The following NLGN1 variants were observed in gnomAD, a reference collection of about 807,000 sequenced individuals.
NLGN1 encodes the protein neuroligin 1.
A neutral mutation model predicts 65.5 loss-of-function variants in NLGN1; 12 were observed. The ratio of observed to expected loss-of-function variants is 0.18; its 90% CI spans 0.12 to 0.30. The LOEUF (loss-of-function observed/expected upper bound fraction) is 0.30. NLGN1 is among the 10% of genes least tolerant of loss of function. The pLI, the probability that NLGN1 is intolerant of heterozygous loss-of-function variation, is 1.00. For synonymous variants in NLGN1, 350 were observed against 359.5 expected, an observed-to-expected ratio of 0.97 and a Z score of 0.30; for missense variants, 750 against 1,007.1, an observed-to-expected ratio of 0.74 and a Z score of 3.46.
At chr3:173,579,352 G>T (rs1421560853) in intron 2 of NLGN1, among the ~76,000 whole-genome samples, 1 of 152,172 alleles carries the variant, frequency 6.6e-6, no homozygotes, top group African/African-American at 2.4e-5. Context: ...GCATGGCGCC[G>T]GTATTCTCAG....
intron 4 of NLGN1, among the ~76,000 whole-genome samples, chr3:174,217,274 T>C (rs1737794763): frequency 6.6e-6 from 1 of 152,138 alleles, no homozygotes; most frequent in South Asian, 2.1e-4. Context: ...TTATTGCCCA[T>C]TCTAATCCAG....
intron 2 of NLGN1, among the ~76,000 whole-genome samples, chr3:173,546,807 A>T (rs1739929308): frequency 6.6e-6 from 1 of 152,174 alleles, no homozygotes; most frequent in South Asian, 2.1e-4. Context: ...GTGTCCACCA[A>T]TGTTCTATAT....
intron 1 of NLGN1, among the ~76,000 whole-genome samples, chr3:173,430,482 A>G (rs879482297): frequency 2.6e-5 from 4 of 152,140 alleles, no homozygotes; most frequent in African/African-American, 4.8e-5. Flanking sequence ...TATCTTTTGG[A>G]AAAATGTCAC....
At chr3:173,944,627 C>T (rs116987646) in intron 4 of NLGN1, among the ~76,000 whole-genome samples, 2 of 152,284 alleles carry the variant, frequency 1.3e-5, no homozygotes, top group East Asian at 3.9e-4. Flanking sequence ...AATCAAGTCT[C>T]TTAATAACTT....
chr3:173,974,196 G>A (rs1323678358), intron 4 of NLGN1, among the ~76,000 whole-genome samples: 6 of 149,892 alleles, frequency 4.0e-5, no homozygotes, highest in Non-Finnish European at 7.4e-5. Context: ...TAAAGTTTTA[G>A]AAGGGTATTT....
chr3:173,564,089 C>T (rs1743238199), intron 2 of NLGN1, among the ~76,000 whole-genome samples: 1 of 152,230 alleles, frequency 6.6e-6, no homozygotes, highest in Non-Finnish European at 1.5e-5. Flanking sequence ...TCTAGCCACA[C>T]TGGTTTCTTT....
intron 4 of NLGN1, among the ~76,000 whole-genome samples, chr3:173,861,515 CGTGTGTGTGTGTGTGTGTGTGTGTGTGT>C (rs145812733): frequency 7.1e-6 from 1 of 141,422 alleles, no homozygotes; most frequent in East Asian, 2.2e-4. Context: ...GTAGCTGGCA[CGTGTGTGTGTGTGTGTGTGTGTGTGTGT>C]GTGTGTGTGT....
intron 4 of NLGN1, among the ~76,000 whole-genome samples, chr3:174,091,553 C>T (rs1030786392): frequency 2.6e-5 from 4 of 152,148 alleles, no homozygotes; most frequent in Admixed American, 1.3e-4. Flanking sequence ...AACAAATTAA[C>T]GAAGAGGTCA....
intron 4 of NLGN1, among the ~76,000 whole-genome samples, chr3:174,001,425 T>C (rs541456030): frequency 1.3e-5 from 2 of 152,272 alleles, no homozygotes; most frequent in Non-Finnish European, 2.9e-5. Context: ...ATTTGGTCAA[T>C]ATTAATTCAG....
chr3:174,159,111 T>C (rs1726021527), intron 4 of NLGN1, among the ~76,000 whole-genome samples: 1 of 151,672 alleles, frequency 6.6e-6, no homozygotes. Context: ...CAGTATACCC[T>C]CGGTAGTATT....
chr3:174,293,034 G>GA, the NLGN1 span, among the ~76,000 whole-genome samples: 6 of 150,776 alleles, frequency 4.0e-5, no homozygotes, highest in Admixed American at 1.3e-4. Flanking sequence ...TAAATTGCAA[G>GA]AAAAAAAACA....
intron 3 of NLGN1, among the ~76,000 whole-genome samples, chr3:173,747,278 T>C (rs1169428610): frequency 2.1e-5 from 3 of 141,518 alleles, no homozygotes; most frequent in African/African-American, 5.3e-5. Flanking sequence ...TCTTTAAGTA[T>C]ATATATTTAA....
At chr3:173,915,936 G>T (rs1259340093) in intron 4 of NLGN1, among the ~76,000 whole-genome samples, 4 of 151,824 alleles carry the variant, frequency 2.6e-5, no homozygotes, top group African/African-American at 9.7e-5. Context: ...AGCATTTTAG[G>T]CTGAATCAGG....
At chr3:174,081,604 T>G (rs891895666) in intron 4 of NLGN1, among the ~76,000 whole-genome samples, 57 of 151,204 alleles carry the variant, frequency 3.8e-4, no homozygotes, top group Non-Finnish European at 6.2e-4. Flanking sequence ...GTTGTTTTTT[T>G]TTTTTTTTTT....
intron 2 of NLGN1, among the ~76,000 whole-genome samples, chr3:173,495,801 C>G (rs1346309204): frequency 6.6e-6 from 1 of 151,370 alleles, no homozygotes; most frequent in Admixed American, 6.6e-5. Flanking sequence ...TCTCTTGTAC[C>G]CCATACCAGT....
chr3:173,539,760 C>CATGTACATATATAACACATATAT lies in NLGN1; in HGVS notation c.-320-64505_-320-64483dup, dbSNP rs1560407369. ...CATATATGTACATATATAACATATA[C>CATGTACATATATAACACATATAT]ATGTACATATATAACACATATATAT... On this transcript the variant is annotated intron_variant, in intron 2 of 6. Transcript: ENST00000457714. 5.2e-3 allele frequency among the ~76,000 whole-genome samples: 378 copies of CATGTACATATATAACACATATAT among 72,988 alleles called. 3 individuals carry two copies. The highest frequency in any genetic ancestry group is 0.025 in the African/African-American group (326 of 13,172). The allele number at this position is 72,988 out of a possible 152,430, so 47.9% of individuals were successfully genotyped here.
chr3:173,957,996 T>C (rs1712537673), intron 4 of NLGN1, among the ~76,000 whole-genome samples: 2 of 152,246 alleles, frequency 1.3e-5, no homozygotes, highest in South Asian at 4.1e-4. Flanking sequence ...TGGCTCCCTG[T>C]GAGGCTGCAG....
At chr3:173,416,854 A>G (rs1245061719) in intron 1 of NLGN1, among the ~76,000 whole-genome samples, 2 of 152,150 alleles carry the variant, frequency 1.3e-5, no homozygotes, top group African/African-American at 2.4e-5. Flanking sequence ...TTTGAGAGAC[A>G]TATAAAGAAA....
At chr3:173,457,485 T>C (rs1409787011) in intron 2 of NLGN1, among the ~76,000 whole-genome samples, 3 of 152,026 alleles carry the variant, frequency 2.0e-5, no homozygotes, top group Non-Finnish European at 4.4e-5. Flanking sequence ...TCCAGATCAT[T>C]TAGGTTTTTA....
Sources: allele counts gnomAD v4.1 joint callset (sites outside exome capture counted in the v4.1 genomes callset), GRCh38; gene constraint gnomAD v4.1.1; transcripts MANE v1.5; gene names NCBI Gene and HGNC (gene_info 2026-07-23, HGNC 2026-07-21).